The following ZNG1F variants were observed in gnomAD, a reference collection of about 807,000 sequenced individuals.
ZNG1F encodes the protein zinc-regulated GTPase metalloprotein activator 1F.
chr9:41,146,127 G>A, the ZNG1F span: 33 of 146,766 alleles, frequency 2.2e-4, 1 homozygote, highest in African/African-American at 8.1e-4. Flanking sequence ...TCCTAGTAAG[G>A]AGAATGTCAA....
chr9:41,157,455 C>G, the ZNG1F span: 10 of 139,830 alleles, frequency 7.2e-5, no homozygotes, highest in African/African-American at 2.7e-4. Flanking sequence ...GAGTGAGACT[C>G]CGCCTCAAAA....
the ZNG1F span, among the ~76,000 whole-genome samples, chr9:41,193,792 T>C: frequency 9.6e-4 from 141 of 146,642 alleles, no homozygotes; most frequent in African/African-American, 1.8e-3. Flanking sequence ...CCCAGCTACT[T>C]GGGAGGTTGA....
chr9:41,145,803 A>G, the ZNG1F span: 3 of 91,996 alleles, frequency 3.3e-5, no homozygotes, highest in Non-Finnish European at 7.1e-5. Context: ...TTATTAAAAA[A>G]GAAATAGTAT....
At chr9:41,157,132 G>A in the ZNG1F span, 2 of 140,672 alleles carry the variant, frequency 1.4e-5, no homozygotes, top group African/African-American at 2.7e-5. Context: ...ATAAAGACTG[G>A]TGATTGAGTT....
the ZNG1F span, among the ~76,000 whole-genome samples, chr9:41,152,408 C>CT: frequency 6.7e-6 from 1 of 148,734 alleles, no homozygotes. Flanking sequence ...TAATGGGAGA[C>CT]TTTAACACCC....
chr9:41,159,042 A>G, the ZNG1F span: 3 of 148,012 alleles, frequency 2.0e-5, no homozygotes, highest in East Asian at 2.0e-4. Context: ...GAGGCTTTCA[A>G]TTTTTCCCTA....
the ZNG1F span, chr9:41,183,748 A>G: frequency 1.3e-6 from 2 of 1,588,196 alleles, no homozygotes; most frequent in East Asian, 4.5e-5. Context: ...TAACTCAATA[A>G]TGGAGATCTT....
the ZNG1F span, among the ~76,000 whole-genome samples, chr9:41,159,124 C>T: frequency 6.6e-6 from 1 of 150,608 alleles, no homozygotes; most frequent in African/African-American, 2.4e-5. Flanking sequence ...TTTGGCTCTC[C>T]TCGGTGGGGG....
the ZNG1F span, chr9:41,165,196 C>A: frequency 7.1e-5 from 68 of 959,776 alleles, no homozygotes; most frequent in African/African-American, 1.6e-3. Context: ...AATAAAAACA[C>A]CTCATGTAGA....
the ZNG1F span, among the ~76,000 whole-genome samples, chr9:41,204,255 TC>T: frequency 6.7e-6 from 1 of 148,608 alleles, no homozygotes; most frequent in Non-Finnish European, 1.5e-5. Flanking sequence ...TAGAATATGT[TC>T]TTTGGTTTGC....
the ZNG1F span, among the ~76,000 whole-genome samples, chr9:41,156,189 C>G: frequency 0.016 from 1,933 of 123,868 alleles, 176 homozygotes; most frequent in African/African-American, 0.061. Context: ...ATAATTTCTA[C>G]AGGAAAATGC....
chr9:41,150,261 T>C, the ZNG1F span, among the ~76,000 whole-genome samples: 1 of 149,610 alleles, frequency 6.7e-6, no homozygotes, highest in East Asian at 2.0e-4. Context: ...TGCGCTTTTC[T>C]GACGGGCTTA....
the ZNG1F span, chr9:41,164,775 G>A: frequency 6.7e-6 from 2 of 297,578 alleles, no homozygotes; most frequent in Non-Finnish European, 5.9e-6. Flanking sequence ...CGAAGACCCT[G>A]AATATCAGTC....
chr9:41,151,366 T>C, the ZNG1F span, among the ~76,000 whole-genome samples: 7 of 149,694 alleles, frequency 4.7e-5, 2 homozygotes, highest in African/African-American at 1.2e-4. Context: ...AGACCAAATC[T>C]ACATCTGATT....
At chr9:41,183,787 T>G in the ZNG1F span, 6 of 1,523,454 alleles carry the variant, frequency 3.9e-6, no homozygotes, top group East Asian at 2.4e-5. Flanking sequence ...TTATAACTTA[T>G]ATTCTTTCAC....
the ZNG1F span, among the ~76,000 whole-genome samples, chr9:41,141,697 CA>C: frequency 1.1e-3 from 63 of 57,788 alleles, 2 homozygotes; most frequent in Non-Finnish European, 1.7e-3. Context: ...ACCTAACATA[CA>C]ATAACTTTTA....
the ZNG1F span, among the ~76,000 whole-genome samples, chr9:41,193,839 C>A: frequency 4.1e-4 from 61 of 148,770 alleles, no homozygotes; most frequent in African/African-American, 1.3e-3. Flanking sequence ...GGTGAGGTTG[C>A]AGTGAGCCAA....
the ZNG1F span, chr9:41,171,947 G>A: frequency 5.9e-6 from 1 of 168,848 alleles, no homozygotes; most frequent in Non-Finnish European, 1.0e-5. Context: ...GGGAAGTTGA[G>A]AAACATCATT....
the ZNG1F span, among the ~76,000 whole-genome samples, chr9:41,204,413 T>TATATATATATAC: frequency 7.2e-5 from 1 of 13,888 alleles, no homozygotes; most frequent in East Asian, 2.6e-3. Context: ...TATATATATA[T>TATATATATATAC]ATATATATCT....
Sources: gnomAD v4.1 joint callset for allele counts (sites outside exome capture counted in the v4.1 genomes callset) on GRCh38, gnomAD v4.1.1 for gene constraint, MANE v1.5 for transcripts, NCBI Gene and HGNC (gene_info 2026-07-23, HGNC 2026-07-21) for gene names.